Variants in EXOC6B observed in about 807,000 individuals in gnomAD.
EXOC6B encodes the protein exocyst complex component 6B.
Under a neutral mutation model 113.5 loss-of-function variants are expected in EXOC6B, and 54 were observed. The observed-to-expected ratio is 0.48, with a 90% CI of 0.38 to 0.60. The LOEUF (loss-of-function observed/expected upper bound fraction) is 0.60. Ranked by LOEUF, EXOC6B falls within the 20% of genes least tolerant of loss-of-function variation. The pLI is 0.00. For synonymous variants in EXOC6B, 357 were observed against 339.0 expected (o/e 1.05, Z -0.58); for missense variants, 797 against 977.5 (o/e 0.82, Z 2.46).
chr2:72,615,261 A>G (rs893751315), intron 6 of EXOC6B, among the ~76,000 whole-genome samples: 1 of 152,130 alleles, frequency 6.6e-6, no homozygotes, highest in African/African-American at 2.4e-5. Flanking sequence ...CAACTATTAT[A>G]TAAATAATTT....
chr2:72,751,259 G>A (rs1017486075), intron 1 of EXOC6B, among the ~76,000 whole-genome samples: 7 of 152,096 alleles, frequency 4.6e-5, no homozygotes, highest in African/African-American at 1.7e-4. Flanking sequence ...ATCAATACAT[G>A]TAAGATTTAG....
intron 20 of EXOC6B, among the ~76,000 whole-genome samples, chr2:72,246,446 T>C (rs1321625278): frequency 2.0e-5 from 3 of 152,010 alleles, no homozygotes; most frequent in African/African-American, 4.8e-5. Context: ...CAGAATTAGA[T>C]GACTGACTTA....
At chr2:72,752,548 ACTCTCTCTCTCTCT>A (rs143358400) in intron 1 of EXOC6B, among the ~76,000 whole-genome samples, 2 of 85,518 alleles carry the variant, frequency 2.3e-5, no homozygotes, top group Admixed American at 2.3e-4. Context: ...TCTCTCTCTC[ACTCTCTCTCTCTCT>A]CTCTCTCTCC....
chr2:72,546,536 T>A (rs1360235326), intron 8 of EXOC6B, among the ~76,000 whole-genome samples: 2 of 152,184 alleles, frequency 1.3e-5, no homozygotes, highest in Non-Finnish European at 2.9e-5. Context: ...AAAAAATATA[T>A]TAAAAGCAAA....
intron 8 of EXOC6B, among the ~76,000 whole-genome samples, chr2:72,547,128 A>G (rs1702953772): frequency 6.6e-6 from 1 of 152,236 alleles, no homozygotes; most frequent in Admixed American, 6.5e-5. Flanking sequence ...CTTGATTAAG[A>G]AAATTTAAGA....
intron 1 of EXOC6B, among the ~76,000 whole-genome samples, chr2:72,818,193 C>T (rs185440633): frequency 2.0e-5 from 3 of 151,896 alleles, no homozygotes; most frequent in East Asian, 1.9e-4. Context: ...CTCCCAGGCT[C>T]GAGGGCAGTA....
chr2:72,183,907 G>A (rs1206890789), intron 21 of EXOC6B, among the ~76,000 whole-genome samples, 168 bp downstream of exon 21: 1 of 152,158 alleles, frequency 6.6e-6, no homozygotes, highest in East Asian at 1.9e-4. Context: ...AGGAAGACTG[G>A]CCTGCCAAGT....
chr2:72,240,626 G>A (rs1682255174), intron 20 of EXOC6B, among the ~76,000 whole-genome samples: 1 of 152,144 alleles, frequency 6.6e-6, no homozygotes, highest in Non-Finnish European at 1.5e-5. Context: ...CAATGATAGT[G>A]ACTGGTCAGA....
At chr2:72,572,202 G>C (rs1704553336) in intron 7 of EXOC6B, among the ~76,000 whole-genome samples, 1 of 152,022 alleles carries the variant, frequency 6.6e-6, no homozygotes, top group African/African-American at 2.4e-5. Context: ...TACTAAAAAA[G>C]CTTTGTCATG....
intron 19 of EXOC6B, among the ~76,000 whole-genome samples, chr2:72,374,278 C>T (rs1189114842): frequency 1.3e-5 from 2 of 152,136 alleles, no homozygotes; most frequent in Non-Finnish European, 2.9e-5. Flanking sequence ...GATTTGGAAG[C>T]AACCTAATTG....
chr2:72,279,792 T>A (rs977400990), intron 20 of EXOC6B, among the ~76,000 whole-genome samples: 1 of 151,354 alleles, frequency 6.6e-6, no homozygotes, highest in African/African-American at 2.4e-5. Flanking sequence ...AATATTTGGG[T>A]TTTTTTTGTT....
At chr2:72,796,308 C>T (rs1287820955) in intron 1 of EXOC6B, among the ~76,000 whole-genome samples, 3 of 151,544 alleles carry the variant, frequency 2.0e-5, no homozygotes, top group Non-Finnish European at 4.4e-5. Flanking sequence ...ACAAAATTAG[C>T]CAGGTGTGGT....
intron 19 of EXOC6B, among the ~76,000 whole-genome samples, chr2:72,376,899 C>T (rs1251865935): frequency 6.8e-6 from 1 of 146,770 alleles, no homozygotes; most frequent in Non-Finnish European, 1.5e-5. Flanking sequence ...TGTTAGAAGG[C>T]ATTTTTTTTT....
At chr2:72,379,894 TA>T in intron 18 of EXOC6B, 24 bp from the exon 19 acceptor site, 1 of 1,572,886 alleles carries the variant, frequency 6.4e-7, no homozygotes, top group Non-Finnish European at 8.6e-7. Flanking sequence ...GTGTAAATCA[TA>T]AAGTTAATGC....
In EXOC6B at chr2:72,644,212, A is replaced by G. The variant is rs142532188; in HGVS notation, c.670-68544T>C. Among the ~76,000 whole-genome samples, 721 of 152,318 alleles carry G rather than the reference A, an allele frequency of 4.7e-3. 4 individuals carry two copies. The highest frequency in any genetic ancestry group is 0.016 in the African/African-American group (663 of 41,578). On this transcript the variant is annotated intron_variant, in intron 6 of 21. Transcript: ENST00000272427. ...AAGGGTATCAGTGATTGAAGATCAA[A>G]TTAATGAAATGAAGCAAGAAGATAA... is the stretch of plus-strand genomic sequence containing the variant.
intron 8 of EXOC6B, among the ~76,000 whole-genome samples, chr2:72,547,709 A>G (rs1702987224): frequency 6.6e-6 from 1 of 152,116 alleles, no homozygotes; most frequent in South Asian, 2.1e-4. Flanking sequence ...GTCCAAATTG[A>G]GCTGGGTTTG....
At chr2:72,800,020 A>T (rs1685193403) in intron 1 of EXOC6B, among the ~76,000 whole-genome samples, 1 of 152,110 alleles carries the variant, frequency 6.6e-6, no homozygotes, top group Admixed American at 6.6e-5. Context: ...AGCTAAGATC[A>T]TGCCCCTGCA....
chr2:72,666,641 CA>C (rs1291805189), intron 6 of EXOC6B, among the ~76,000 whole-genome samples: 1 of 152,070 alleles, frequency 6.6e-6, no homozygotes, highest in Non-Finnish European at 1.5e-5. Flanking sequence ...AAGACTCCAC[CA>C]AAAGGCTCCT....
intron 5 of EXOC6B, among the ~76,000 whole-genome samples, chr2:72,718,586 G>A (rs1486557178): frequency 1.3e-5 from 2 of 152,224 alleles, no homozygotes; most frequent in Non-Finnish European, 2.9e-5. Flanking sequence ...GGCCAGGCAT[G>A]GTGGATCATG....
Sources: gnomAD v4.1 joint callset for allele counts (sites outside exome capture counted in the v4.1 genomes callset) on GRCh38, gnomAD v4.1.1 for gene constraint, MANE v1.5 for transcripts, NCBI Gene and HGNC (gene_info 2026-07-23, HGNC 2026-07-21) for gene names.